STAM: variants seen among roughly 807,000 people sequenced by gnomAD.
STAM encodes the protein signal transducing adaptor molecule.
In STAM, 16 loss-of-function variants were observed where a neutral mutation model predicts 63.4. That is an observed-to-expected ratio of 0.25 (90% CI 0.17 to 0.38). The LOEUF (loss-of-function observed/expected upper bound fraction) is 0.38. Among genes scored for constraint, STAM ranks in the 10% least tolerant of loss-of-function variants. The probability of loss-of-function intolerance (pLI) is 1.00; values close to 1 mark genes in which losing one functional copy is unlikely to be tolerated. For synonymous variants in STAM, 238 were observed against 223.9 expected (o/e 1.06, Z -0.56); for missense variants, 636 against 657.1 (o/e 0.97, Z 0.35).
intron 6 of STAM, chr10:17,694,806 A>G (rs917175944): frequency 2.7e-6 from 1 of 372,062 alleles, no homozygotes; most frequent in Non-Finnish European, 4.8e-6. Flanking sequence ...TTTACATTGT[A>G]TTTGTTCAGT....
At chr10:17,669,846 C>T (rs555164764) in intron 2 of STAM, among the ~76,000 whole-genome samples, 15 of 151,180 alleles carry the variant, frequency 9.9e-5, no homozygotes, top group African/African-American at 2.7e-4. Flanking sequence ...TACAGGCACC[C>T]GCCCCTATGC....
chr10:17,704,647 C>T (rs1836173454), intron 10 of STAM, 129 bp downstream of exon 10: 2 of 793,144 alleles, frequency 2.5e-6, no homozygotes, highest in Admixed American at 4.7e-5. Flanking sequence ...GACCCAGGCT[C>T]ACTCTCATAT....
intron 13 of STAM, among the ~76,000 whole-genome samples, chr10:17,710,525 C>G (rs532294360): frequency 6.6e-6 from 1 of 152,308 alleles, no homozygotes; most frequent in South Asian, 2.1e-4. Context: ...CCTGCATATT[C>G]TTTAGTTGTT....
At chr10:17,687,089 C>T (rs955272633) in intron 4 of STAM, among the ~76,000 whole-genome samples, 1 of 152,126 alleles carries the variant, frequency 6.6e-6, no homozygotes, top group South Asian at 2.1e-4. Context: ...AAACTCACTA[C>T]ATTTATCTCT....
chr10:17,675,216 A>AT (rs1391877400), intron 2 of STAM, among the ~76,000 whole-genome samples: 4 of 152,180 alleles, frequency 2.6e-5, no homozygotes, highest in African/African-American at 9.7e-5. Context: ...AGATAATAGC[A>AT]TTTTTTGGCT....
At chr10:17,664,182 C>T (rs1290129449) in intron 2 of STAM, among the ~76,000 whole-genome samples, 1 of 152,058 alleles carries the variant, frequency 6.6e-6, no homozygotes, top group African/African-American at 2.4e-5. Context: ...CACAGATCAA[C>T]TTAGTAATAG....
At chr10:17,644,510 C>G in intron 1 of STAM, 131 bp downstream of exon 1, 1 of 1,104,718 alleles carries the variant, frequency 9.1e-7, no homozygotes, top group Non-Finnish European at 1.3e-6. Context: ...CTGAGGCTCC[C>G]TCCTTCAGAG....
At chr10:17,651,944 C>T (rs943703656) in intron 1 of STAM, among the ~76,000 whole-genome samples, 1 of 152,174 alleles carries the variant, frequency 6.6e-6, no homozygotes, top group Admixed American at 6.5e-5. Flanking sequence ...AAAGTTGCTG[C>T]TTATCAGAAA....
intron 1 of STAM, among the ~76,000 whole-genome samples, chr10:17,649,746 CATT>C (rs1833662550): frequency 6.6e-6 from 1 of 152,080 alleles, no homozygotes; most frequent in South Asian, 2.1e-4. Flanking sequence ...GCTCTTCATT[CATT>C]ATTTGGTAAC....
At chr10:17,680,477 C>G (rs1409727630) in intron 2 of STAM, among the ~76,000 whole-genome samples, 3 of 149,178 alleles carry the variant, frequency 2.0e-5, no homozygotes, top group African/African-American at 5.0e-5. Flanking sequence ...GGCTGGAGTT[C>G]AGTGGCGCAA....
chr10:17,708,773 C>T lies in STAM; in HGVS notation c.1210-3C>T. ...GAATATGATTTCTCTTTAACCATCG[C>T]AGGTGTATGCAGGGCCTCCTCCAAG... is the stretch of plus-strand genomic sequence containing the variant. On this transcript the variant is annotated splice_region_variant and splice_polypyrimidine_tract_variant and intron_variant, in intron 12 of 13. Transcript: ENST00000377524. 2 of 1,605,378 alleles carry T rather than the reference C, an allele frequency of 1.2e-6. No individual in the cohort carries two copies. The highest frequency in any genetic ancestry group is 1.7e-6 in the Non-Finnish European group (2 of 1,174,320).
At chr10:17,701,690 C>G (rs1193945701) in intron 9 of STAM, among the ~76,000 whole-genome samples, 1 of 152,076 alleles carries the variant, frequency 6.6e-6, no homozygotes, top group African/African-American at 2.4e-5. Context: ...TTGATCTGCC[C>G]GAGAACATTC....
intron 2 of STAM, among the ~76,000 whole-genome samples, chr10:17,669,496 A>G (rs957751057): frequency 2.0e-5 from 3 of 151,948 alleles, no homozygotes; most frequent in Non-Finnish European, 4.4e-5. Context: ...TAACAAATTT[A>G]TGTCTTTATG....
chr10:17,704,571 T>A, intron 10 of STAM, 53 bp downstream of exon 10: 4 of 1,404,044 alleles, frequency 2.8e-6, no homozygotes, highest in Non-Finnish European at 4.0e-6. Context: ...GGTTAATAAC[T>A]GGTGTCCTGT....
intron 5 of STAM, among the ~76,000 whole-genome samples, chr10:17,691,493 G>A (rs1391921880): frequency 5.3e-5 from 8 of 151,936 alleles, no homozygotes; most frequent in African/African-American, 1.9e-4. Context: ...ACTCCAGCCT[G>A]GGCGACAGAG....
Position 17,714,654 on chromosome 10 carries a change from G to C in STAM, c.1497G>C (p.Gln499His), listed in dbSNP as rs781846010. 3 of 1,614,006 alleles carry C rather than the reference G, an allele frequency of 1.9e-6. No individual in the cohort carries two copies. The South Asian group carries it at 3.3e-5, about 18-fold the overall frequency. ...CAACTGCCGATGTCACTCTGTACCA[G>C]AATGCAGGACCTAATATGCCCCAGG... ...AAATADVTLY[Q>H]NAGPNMPQVP... The change falls in exon 14 of 14, where the codon CAG becomes CAC. Residue 499 changes from glutamine (Q) to histidine (H), a missense_variant. Physicochemically the swap from Gln to His is conservative, Grantham distance 24. This residue lies in a region of STAM where 532 missense variants were observed against 536.9 expected (regional missense o/e 0.99). Coordinates refer to ENST00000377524, the MANE Select transcript of STAM (RefSeq NM_003473.4).
intron 1 of STAM, among the ~76,000 whole-genome samples, chr10:17,645,606 GC>G (rs1347634890): frequency 1.3e-5 from 2 of 152,168 alleles, no homozygotes; most frequent in East Asian, 3.9e-4. Context: ...TATGTGGTTG[GC>G]ACTTACTAGA....
chr10:17,662,761 G>A (rs1554823022), intron 2 of STAM, among the ~76,000 whole-genome samples: 4 of 152,172 alleles, frequency 2.6e-5, no homozygotes. Flanking sequence ...TCATAGGGGA[G>A]TTGTTGTGAC....
At chr10:17,708,673 T>C in intron 12 of STAM, 103 bp from the exon 13 acceptor site, 1 of 1,163,244 alleles carries the variant, frequency 8.6e-7, no homozygotes, top group East Asian at 2.6e-5. Flanking sequence ...GATTCCAGAG[T>C]GGTGATTTTT....
Sources: gnomAD v4.1 joint callset for allele counts (sites outside exome capture counted in the v4.1 genomes callset) on GRCh38, gnomAD v4.1.1 for gene constraint, gnomAD v4.1.1 regional missense constraint, MANE v1.5 for transcripts, NCBI Gene and HGNC (gene_info 2026-07-23, HGNC 2026-07-21) for gene names.